CTNNBIP1: variants seen among roughly 807,000 people sequenced by gnomAD.
CTNNBIP1 encodes catenin beta interacting protein 1.
A neutral mutation model predicts 11.8 loss-of-function variants in CTNNBIP1; 7 were observed. That is an observed-to-expected ratio of 0.60 (90% CI 0.34 to 1.12). CTNNBIP1 has a LOEUF of 1.12. Ranked by LOEUF, CTNNBIP1 falls within the 50% of genes most tolerant of loss-of-function variation. The probability of loss-of-function intolerance (pLI) is 0.03; values close to 1 mark genes in which losing one functional copy is unlikely to be tolerated. For missense variants in CTNNBIP1, 101 were observed against 113.4 expected (o/e 0.89, Z 0.50); for synonymous variants, 58 against 43.9 (o/e 1.32, Z -1.26).
At chr1:9,865,747 TG>T (rs1557749398) in intron 5 of CTNNBIP1, among the ~76,000 whole-genome samples, 1 of 152,222 alleles carries the variant, frequency 6.6e-6, no homozygotes, top group Non-Finnish European at 1.5e-5. Context: ...ATTACAGCTA[TG>T]CAGTAGGATT....
chr1:9,866,678 T>C (rs1404705110), intron 5 of CTNNBIP1, among the ~76,000 whole-genome samples: 2 of 124,310 alleles, frequency 1.6e-5, no homozygotes, highest in Admixed American at 1.6e-4. Flanking sequence ...AAACTCCTTC[T>C]CAAAAAAAAA....
chr1:9,890,507 C>A (rs907384116), intron 1 of CTNNBIP1, among the ~76,000 whole-genome samples: 11 of 152,208 alleles, frequency 7.2e-5, no homozygotes, highest in African/African-American at 2.7e-4. Flanking sequence ...AAGTCAGGAA[C>A]CAGCACGCCT....
intron 3 of CTNNBIP1, among the ~76,000 whole-genome samples, chr1:9,874,950 G>C (rs1022387865): frequency 2.6e-5 from 4 of 152,198 alleles, no homozygotes; most frequent in Non-Finnish European, 5.9e-5. Flanking sequence ...GGGCTTCCAA[G>C]AGTAAAAACC....
intron 2 of CTNNBIP1, among the ~76,000 whole-genome samples, chr1:9,882,301 G>A (rs902527033): frequency 2.6e-5 from 4 of 152,342 alleles, no homozygotes; most frequent in African/African-American, 7.2e-5. Flanking sequence ...GTGAGCAAAA[G>A]AGCCACGGCT....
At chr1:9,856,262 C>A (rs1002241409) in intron 5 of CTNNBIP1, among the ~76,000 whole-genome samples, 3 of 152,054 alleles carry the variant, frequency 2.0e-5, no homozygotes, top group Non-Finnish European at 4.4e-5. Context: ...CCTCTTGCCT[C>A]TGCCATGTAA....
At chr1:9,881,416 T>C (rs1376575198) in intron 2 of CTNNBIP1, among the ~76,000 whole-genome samples, 1 of 143,682 alleles carries the variant, frequency 7.0e-6, no homozygotes. Context: ...CTCAGCTCAC[T>C]GCAACCTCCG....
At chr1:9,886,875 G>A (rs932644110) in intron 1 of CTNNBIP1, among the ~76,000 whole-genome samples, 4 of 152,166 alleles carry the variant, frequency 2.6e-5, no homozygotes, top group African/African-American at 9.7e-5. Flanking sequence ...TAATTAAACT[G>A]CAACAACCTC....
In CTNNBIP1 at chr1:9,887,606, G is replaced by A. The variant is rs1396577566; in HGVS notation, c.-143-3868C>T. Among the ~76,000 whole-genome samples the A allele has an allele frequency of 2.0e-5, 3 of 151,824 alleles. No homozygotes were observed. The East Asian group carries it at 5.9e-4, about 30-fold the overall frequency. On this transcript the variant is annotated intron_variant, in intron 1 of 5. Transcript: ENST00000377263. ...TAATCCCAGCTACTCGGGAGGCTGA[G>A]GCAAGAGAATTGCTTGAACCCAGGA...
At chr1:9,852,249 G>A (rs1638406560) in intron 5 of CTNNBIP1, among the ~76,000 whole-genome samples, 1 of 152,184 alleles carries the variant, frequency 6.6e-6, no homozygotes. Flanking sequence ...GCACCCAGCT[G>A]TCGGGAGGGC....
intron 1 of CTNNBIP1, among the ~76,000 whole-genome samples, chr1:9,899,696 T>C (rs1570599577): frequency 6.7e-6 from 1 of 150,300 alleles, no homozygotes; most frequent in South Asian, 2.1e-4. Flanking sequence ...GAGGCGGAGG[T>C]TGCAGTGAGC....
chr1:9,908,575 C>T (rs1259987243), intron 1 of CTNNBIP1, among the ~76,000 whole-genome samples: 1 of 142,946 alleles, frequency 7.0e-6, no homozygotes, highest in East Asian at 2.1e-4. Context: ...GGGGTTTCAC[C>T]GTGGTCTCGA....
intron 1 of CTNNBIP1, among the ~76,000 whole-genome samples, chr1:9,908,435 G>A (rs1261932823): frequency 6.3e-5 from 9 of 142,348 alleles, no homozygotes; most frequent in Middle Eastern, 4.2e-3. Flanking sequence ...GTGCAGTGGC[G>A]TGACCTCGGC....
intron 1 of CTNNBIP1, among the ~76,000 whole-genome samples, chr1:9,896,699 C>T (rs1370476182): frequency 3.3e-5 from 5 of 151,720 alleles, no homozygotes; most frequent in South Asian, 2.1e-4. Context: ...CCGGGTGCGG[C>T]GGCTCACGCC....
At chr1:9,857,442 G>A (rs1386147021) in intron 5 of CTNNBIP1, among the ~76,000 whole-genome samples, 1 of 145,640 alleles carries the variant, frequency 6.9e-6, no homozygotes, top group Non-Finnish European at 1.5e-5. Context: ...AGTGAGCTGA[G>A]ATAGCACCGC....
rs1160520193 is a variant in CTNNBIP1 at position 9,872,905 on chromosome 1, G to A, written c.-24-817C>T. ...GGTTACACACTGGTAACTCCTGGAT[G>A]AGTCAGAAATAACGCAGCAGCTGCT... On this transcript the variant is annotated intron_variant, in intron 3 of 5. Transcript: ENST00000377263. This position sits in a 1 kb window ranked among gnomAD's most constrained non-coding sequence, Gnocchi z 4.0. Among the ~76,000 whole-genome samples, 1 of 152,170 alleles carries A rather than the reference G, an allele frequency of 6.6e-6. No homozygotes were observed. The highest frequency in any genetic ancestry group is 1.5e-5 in the Non-Finnish European group (1 of 68,016).
At chr1:9,870,084 T>A (rs993919287) in intron 5 of CTNNBIP1, among the ~76,000 whole-genome samples, 1 of 152,208 alleles carries the variant, frequency 6.6e-6, no homozygotes, top group Non-Finnish European at 1.5e-5. Context: ...GCATCGGTGC[T>A]TGGGAACAGG....
intron 1 of CTNNBIP1, among the ~76,000 whole-genome samples, chr1:9,890,028 A>G (rs934960710): frequency 6.6e-6 from 1 of 152,122 alleles, no homozygotes; most frequent in Non-Finnish European, 1.5e-5. Context: ...ATCCTAACAC[A>G]CCAAGGAGCT....
intron 2 of CTNNBIP1, among the ~76,000 whole-genome samples, chr1:9,882,981 G>C (rs2101509136): frequency 6.6e-6 from 1 of 152,344 alleles, no homozygotes; most frequent in African/African-American, 2.4e-5. Context: ...ACTTGGCCTG[G>C]AGTGAGAATG....
intron 1 of CTNNBIP1, among the ~76,000 whole-genome samples, chr1:9,890,345 C>T (rs967857299): frequency 2.8e-4 from 42 of 152,120 alleles, no homozygotes; most frequent in African/African-American, 9.9e-4. Flanking sequence ...ACCAAGGGGA[C>T]GTGCTGGTGG....
Sources: gnomAD v4.1 joint callset for allele counts (sites outside exome capture counted in the v4.1 genomes callset) on GRCh38, gnomAD v4.1.1 for gene constraint, Gnocchi (gnomAD v3.1) non-coding constraint, MANE v1.5 for transcripts, NCBI Gene and HGNC (gene_info 2026-07-23, HGNC 2026-07-21) for gene names.